COL4A2: variants seen among roughly 807,000 people sequenced by gnomAD.
The protein encoded by COL4A2 is collagen type IV alpha 2 chain.
Under a neutral mutation model 200.2 loss-of-function variants are expected in COL4A2, and 99 were observed. The observed-to-expected ratio is 0.49, with a 90% CI of 0.42 to 0.58. The LOEUF (loss-of-function observed/expected upper bound fraction) is 0.58, where lower values mean the gene tolerates loss of function less well. COL4A2 is among the 20% of genes least tolerant of loss of function. The probability of loss-of-function intolerance (pLI) is 0.00; values close to 1 mark genes in which losing one functional copy is unlikely to be tolerated. For synonymous variants in COL4A2, 897 were observed against 900.6 expected, an observed-to-expected ratio of 1.00 and a Z score of 0.07; for missense variants, 1,950 against 2,314.1, an observed-to-expected ratio of 0.84 and a Z score of 3.23.
chr13:110,458,637 A>G, intron 21 of COL4A2, 134 bp from the exon 22 acceptor site: 1 of 1,006,338 alleles, frequency 9.9e-7, no homozygotes. Flanking sequence ...TGGGGGTCAT[A>G]GTGCCCATCA....
rs562341090 is a variant in COL4A2, at chr13:110,459,059, T to C, written c.1596+125T>C. 8.6e-4 allele frequency: 822 copies of C among 956,742 alleles called. 1 individual carries two copies. Among genetic ancestry groups the C allele is most frequent in the Admixed American group, 1.6e-3 (48 of 29,194 alleles). The allele number at this position is 956,742 out of a possible 1,614,324, so 59.3% of individuals were successfully genotyped here. On this transcript the variant is annotated intron_variant, in intron 22 of 47. Transcript: ENST00000360467. ...CGGCAACACTCATGGACCCAAGGCA[T>C]GGCTAAACCATTCTAAAAACCCACA...
chr13:110,487,876 T>C (rs1041746663), intron 34 of COL4A2, among the ~76,000 whole-genome samples: 2 of 152,196 alleles, frequency 1.3e-5, no homozygotes, highest in African/African-American at 4.8e-5. Context: ...TTCAGATGCA[T>C]TGAGCTGTGC....
At position 110,507,882 on chromosome 13, in the gene COL4A2, G is replaced by A. The variant is rs552001499; in HGVS notation, c.4595-53G>A. 172 of 1,569,376 alleles carry A rather than the reference G, an allele frequency of 1.1e-4. No homozygotes were observed. In the African/African-American group the frequency reaches 1.9e-3, roughly 17 times the overall value. ...CTCCTGGGCCTGGCTGGGGCTGGCA[G>A]GTGCGTCTTCTAGCCACACTGCACT... On this transcript the variant is annotated intron_variant, in intron 46 of 47. Transcript: ENST00000360467.
intron 30 of COL4A2, among the ~76,000 whole-genome samples, chr13:110,479,529 AG>A (rs1246393025): frequency 3.7e-5 from 1 of 26,898 alleles, no homozygotes; most frequent in African/African-American, 1.1e-4. Flanking sequence ...GCCTGATTTG[AG>A]GGGGCTGGGG....
intron 4 of COL4A2, among the ~76,000 whole-genome samples, chr13:110,415,542 T>C (rs1404174774): frequency 6.6e-6 from 1 of 152,178 alleles, no homozygotes; most frequent in Non-Finnish European, 1.5e-5. Context: ...CTCGTAACCT[T>C]TTTTCTTACT....
At chr13:110,449,142 A>G (rs1322883257) in intron 18 of COL4A2, among the ~76,000 whole-genome samples, 1 of 152,274 alleles carries the variant, frequency 6.6e-6, no homozygotes, top group Non-Finnish European at 1.5e-5. Flanking sequence ...CATGATAAAA[A>G]GTCCTATTTT....
In COL4A2 at chr13:110,387,341, C is replaced by T. The variant is rs76112900; in HGVS notation, c.180+29789C>T. On this transcript the variant is annotated intron_variant, in intron 4 of 47. Coordinates refer to ENST00000360467, the MANE Select transcript of COL4A2 (RefSeq NM_001846.4). ...AAAGGCTGGAAGGAAATAGCCTTGC[C>T]GAGGGCCAGACCCTGAGCTGCTGGA... is the stretch of plus-strand genomic sequence containing the variant. 2.0e-3 allele frequency among the ~76,000 whole-genome samples: 300 copies of T among 152,354 alleles called. 1 individual carries two copies. The highest frequency in any genetic ancestry group is 6.9e-3 in the African/African-American group (286 of 41,584).
At chr13:110,396,764 T>C in intron 4 of COL4A2, among the ~76,000 whole-genome samples, 1 of 145,408 alleles carries the variant, frequency 6.9e-6, no homozygotes, top group East Asian at 2.0e-4. Context: ...ATTAAAGGCG[T>C]TTCCAATCCC....
At chr13:110,392,957 A>C (rs1373314344) in intron 4 of COL4A2, among the ~76,000 whole-genome samples, 1 of 152,214 alleles carries the variant, frequency 6.6e-6, no homozygotes, top group South Asian at 2.1e-4. Context: ...AGAGAATAAG[A>C]AGGGAAAAAC....
intron 16 of COL4A2, among the ~76,000 whole-genome samples, chr13:110,442,719 A>G (rs938729169): frequency 5.5e-5 from 8 of 146,112 alleles, no homozygotes; most frequent in Admixed American, 4.9e-4. Flanking sequence ...GGTTATATTC[A>G]ATTTTCTGAT....
intron 3 of COL4A2, among the ~76,000 whole-genome samples, chr13:110,309,506 G>A (rs1056743003): frequency 6.6e-6 from 1 of 152,196 alleles, no homozygotes; most frequent in African/African-American, 2.4e-5. Context: ...AGAAGGGGGC[G>A]ATCCCTAGAA....
intron 20 of COL4A2, chr13:110,456,734 T>A (rs1406225340): frequency 2.1e-6 from 1 of 471,996 alleles, no homozygotes; most frequent in East Asian, 6.9e-5. Context: ...GCCCATGCCC[T>A]GTGTCTGGGG....
chr13:110,312,725 C>G (rs565064367), intron 3 of COL4A2, among the ~76,000 whole-genome samples: 8 of 152,346 alleles, frequency 5.3e-5, no homozygotes, highest in African/African-American at 1.4e-4. Flanking sequence ...GAGGCAATGT[C>G]TGCAACCCCC....
intron 4 of COL4A2, among the ~76,000 whole-genome samples, chr13:110,405,579 A>G (rs542450153): frequency 2.0e-5 from 3 of 152,256 alleles, no homozygotes; most frequent in Non-Finnish European, 4.4e-5. Context: ...GCTGGAGGAC[A>G]TGAATGGCCC....
In COL4A2 at chr13:110,485,643, G is replaced by A; in HGVS notation, c.3026-12G>A. On this transcript the variant is annotated splice_polypyrimidine_tract_variant and intron_variant, in intron 33 of 47. Coordinates refer to ENST00000360467, the MANE Select transcript of COL4A2 (RefSeq NM_001846.4). Reference sequence around the variant, plus strand: ...CCTCACCAGAGTGTTACACACCAGGGTCTTCCTGCAGGTATCCAAGGAATG... The same window carrying A: ...CCTCACCAGAGTGTTACACACCAGGATCTTCCTGCAGGTATCCAAGGAATG... The A allele has an allele frequency of 2.5e-6, 4 of 1,589,578 alleles. No homozygotes were observed. The highest frequency in any genetic ancestry group is 2.2e-5 in the East Asian group (1 of 44,590).
At chr13:110,334,556 C>A (rs1010199654) in intron 3 of COL4A2, among the ~76,000 whole-genome samples, 1 of 152,250 alleles carries the variant, frequency 6.6e-6, no homozygotes, top group Non-Finnish European at 1.5e-5. Context: ...CCATTTCCTT[C>A]ATACCTGTCG....
intron 4 of COL4A2, among the ~76,000 whole-genome samples, chr13:110,387,484 G>A (rs1878804844): frequency 6.6e-6 from 1 of 152,198 alleles, no homozygotes; most frequent in African/African-American, 2.4e-5. Flanking sequence ...TAGGGACAAG[G>A]ACCCATTCCA....
chr13:110,457,510 C>A, intron 21 of COL4A2, 75 bp downstream of exon 21: 2 of 880,166 alleles, frequency 2.3e-6, no homozygotes, highest in Non-Finnish European at 3.8e-6. Context: ...AAGGTGAAAT[C>A]CATCCCCCAC....
chr13:110,476,231 C>T (rs1882698927), intron 29 of COL4A2, among the ~76,000 whole-genome samples: 2 of 152,196 alleles, frequency 1.3e-5, no homozygotes, highest in African/African-American at 2.4e-5. Flanking sequence ...CGCTGCGAAT[C>T]CTTTACAGCC....
Sources: gnomAD v4.1 joint callset for allele counts (sites outside exome capture counted in the v4.1 genomes callset) on GRCh38, gnomAD v4.1.1 for gene constraint, MANE v1.5 for transcripts, NCBI Gene and HGNC (gene_info 2026-07-23, HGNC 2026-07-21) for gene names.